SLC39A14: variants seen among roughly 807,000 people sequenced by gnomAD.
SLC39A14 encodes solute carrier family 39 member 14.
In SLC39A14, 19 loss-of-function variants were observed where a neutral mutation model predicts 45.5. The observed-to-expected ratio is 0.42, with a 90% CI of 0.29 to 0.61. The LOEUF is 0.61. Ranked by LOEUF, SLC39A14 falls within the 20% of genes least tolerant of loss-of-function variation. The probability of loss-of-function intolerance (pLI) is 0.22; values close to 1 mark genes in which losing one functional copy is unlikely to be tolerated. For synonymous variants in SLC39A14, 264 were observed against 251.3 expected (o/e 1.05, Z -0.48); for missense variants, 447 against 616.5 (o/e 0.73, Z 2.91).
chr8:22,376,960 T>C (rs1833252273), intron 1 of SLC39A14, among the ~76,000 whole-genome samples: 1 of 152,218 alleles, frequency 6.6e-6, no homozygotes, highest in Admixed American at 6.5e-5. Flanking sequence ...TTTGAGACTA[T>C]GCAAATCCTG....
intron 1 of SLC39A14, among the ~76,000 whole-genome samples, chr8:22,394,402 C>T (rs1834257253): frequency 6.6e-6 from 1 of 150,888 alleles, no homozygotes; most frequent in African/African-American, 2.4e-5. Flanking sequence ...TCACTACAAG[C>T]TCCACCTCCC....
chr8:22,404,927 G>T lies in SLC39A14; in HGVS notation c.217G>T (p.Val73Leu), dbSNP rs1332265493. ...CCTACTCAACCACCTGGATGTGGGAGTGGGCCGGGGTAATGTCACCCAGCA... is the reference window on the plus strand; with the variant it reads ...CCTACTCAACCACCTGGATGTGGGATTGGGCCGGGGTAATGTCACCCAGCA... ...KALLNHLDVG[V>L]GRGNVTQHVQ... is the part of the protein sequence containing the mutation. The change falls in exon 2 of 9, where the codon GTG (valine) becomes TTG (leucine). Residue 73 changes from valine (V) to leucine (L), a missense_variant. Physicochemically the swap from Val to Leu is conservative, Grantham distance 32 (BLOSUM62 1). This residue lies in a region of SLC39A14 where 342 missense variants were observed against 428.1 expected (regional missense o/e 0.80). Coordinates refer to ENST00000381237, the MANE Select transcript of SLC39A14 (RefSeq NM_001128431.4). The T allele has an allele frequency of 6.2e-7, 1 of 1,614,186 alleles. No individual in the cohort carries two copies. The highest frequency in any genetic ancestry group is 1.7e-5 in the Admixed American group (1 of 60,032).
At chr8:22,394,403 T>C (rs1834257414) in intron 1 of SLC39A14, among the ~76,000 whole-genome samples, 1 of 150,040 alleles carries the variant, frequency 6.7e-6, no homozygotes. Flanking sequence ...CACTACAAGC[T>C]CCACCTCCCG....
At chr8:22,406,640 G>A (rs995238290) in intron 2 of SLC39A14, among the ~76,000 whole-genome samples, 3 of 152,170 alleles carry the variant, frequency 2.0e-5, no homozygotes, top group African/African-American at 4.8e-5. Context: ...CGCAGTGAGC[G>A]GAGATTATGC....
downstream of SLC39A14, among the ~76,000 whole-genome samples, chr8:22,423,493 G>A (rs555038601): frequency 2.2e-3 from 335 of 152,096 alleles, no homozygotes; most frequent in Non-Finnish European, 3.0e-3. Context: ...CCGCCACCAC[G>A]CCCAGCTAAT....
intron 8 of SLC39A14, among the ~76,000 whole-genome samples, chr8:22,430,560 G>A (rs937535128): frequency 1.3e-5 from 2 of 152,156 alleles, no homozygotes; most frequent in African/African-American, 4.8e-5. Context: ...TATCTTACCT[G>A]TGGAACCACC....
At chr8:22,371,316 G>T (rs907561371) in intron 1 of SLC39A14, among the ~76,000 whole-genome samples, 4 of 150,250 alleles carry the variant, frequency 2.7e-5, no homozygotes, top group Non-Finnish European at 5.9e-5. Flanking sequence ...ATTTATTACC[G>T]CCGAGTTCCT....
At chr8:22,376,101 T>C (rs534310996) in intron 1 of SLC39A14, among the ~76,000 whole-genome samples, 7 of 152,316 alleles carry the variant, frequency 4.6e-5, no homozygotes, top group African/African-American at 1.7e-4. Context: ...CTCTCCCTCT[T>C]TTCTTGCTAG....
intron 4 of SLC39A14, among the ~76,000 whole-genome samples, chr8:22,414,318 G>A (rs975746521): frequency 5.3e-5 from 8 of 152,254 alleles, no homozygotes; most frequent in African/African-American, 1.9e-4. Context: ...TTACTTAACT[G>A]GGAAATGGGT....
At position 22,412,934 on chromosome 8, in the gene SLC39A14, G is replaced by A. The variant is rs116736274; in HGVS notation, c.627+728G>A. On this transcript the variant is annotated intron_variant, in intron 4 of 8. Coordinates refer to ENST00000381237, the MANE Select transcript of SLC39A14 (RefSeq NM_001128431.4). Reference sequence around the variant, plus strand: ...GCCTGGGTGACGGGAGTGAGACTCCGTCTCAAAACAAACAAACAAACTCCC... The same window carrying A: ...GCCTGGGTGACGGGAGTGAGACTCCATCTCAAAACAAACAAACAAACTCCC... 7.1e-3 allele frequency among the ~76,000 whole-genome samples: 1,084 copies of A among 152,252 alleles called. 12 individuals carry two copies. Among genetic ancestry groups the A allele is most frequent in the African/African-American group, 0.025 (1,035 of 41,554 alleles).
rs1451347203 is a variant in SLC39A14 at position 22,430,832 on chromosome 8, C to T, written c.1333-3059C>T. Among the ~76,000 whole-genome samples the T allele has an allele frequency of 2.0e-5, 3 of 151,836 alleles. No individual in the cohort carries two copies. In the East Asian group the frequency reaches 5.8e-4, roughly 29 times the overall value. The stretch of plus-strand genomic sequence containing the variant: ...GGATTACAAGCCTGTGCCATCATGC[C>T]CAGCTAATCGTTGTGTTTTTAGTAG... On this transcript the variant is annotated intron_variant, in intron 8 of 8. Coordinates refer to the SLC39A14 transcript ENST00000240095.
At chr8:22,382,151 A>C (rs1002445608) in intron 1 of SLC39A14, among the ~76,000 whole-genome samples, 23 of 152,140 alleles carry the variant, frequency 1.5e-4, no homozygotes, top group Admixed American at 5.9e-4. Flanking sequence ...CAAAAACAAC[A>C]ACCAAAAAAA....
intron 1 of SLC39A14, among the ~76,000 whole-genome samples, chr8:22,381,943 C>T (rs1486395131): frequency 6.6e-6 from 1 of 152,106 alleles, no homozygotes; most frequent in African/African-American, 2.4e-5. Flanking sequence ...GAGTCCGAGA[C>T]CAGCCTGGCC....
At chr8:22,428,919 G>A (rs767321910) in intron 8 of SLC39A14, among the ~76,000 whole-genome samples, 1 of 152,176 alleles carries the variant, frequency 6.6e-6, no homozygotes, top group Non-Finnish European at 1.5e-5. Flanking sequence ...AGCAAACGAA[G>A]GTAAGAACCA....
chr8:22,415,619 C>G (rs1835826587), intron 5 of SLC39A14, 150 bp from the exon 6 acceptor site: 2 of 675,038 alleles, frequency 3.0e-6, no homozygotes, highest in Non-Finnish European at 4.8e-6. Flanking sequence ...ATAGCTTTTG[C>G]TATGTTTCTG....
At chr8:22,373,905 C>T (rs888206781) in intron 1 of SLC39A14, among the ~76,000 whole-genome samples, 59 of 151,962 alleles carry the variant, frequency 3.9e-4, no homozygotes, top group African/African-American at 1.4e-3. Flanking sequence ...GATGCAGACA[C>T]GCGCCACCAC....
chr8:22,412,203 G>A lies in SLC39A14; in HGVS notation c.624G>A (p.Pro208=), dbSNP rs374062876. ...CCAACGCCCTCTTCCAGCTCATCCC[G>A]GAGGTATGGCAAGCCAGGGCCTTCA... ...LYSNALFQLI[P]EAFGFNPLED... is the part of the protein sequence containing the mutation. The change falls in exon 4 of 9, where the codon CCG becomes CCA. Residue 208 remains proline, a synonymous_variant. Coordinates refer to ENST00000381237, the MANE Select transcript of SLC39A14 (RefSeq NM_001128431.4). The A allele has an allele frequency of 4.6e-5, 72 of 1,551,460 alleles. No individual in the cohort carries two copies. Among genetic ancestry groups the A allele is most frequent in the African/African-American group, 4.4e-4 (32 of 73,060 alleles).
chr8:22,404,487 C>G (rs1467365960), intron 1 of SLC39A14: 2 of 239,388 alleles, frequency 8.4e-6, no homozygotes, highest in Non-Finnish European at 7.3e-6. Context: ...ATTTTTCAAT[C>G]TAGTCAAAAC....
intron 3 of SLC39A14, chr8:22,409,993 C>G: frequency 6.2e-7 from 1 of 1,614,170 alleles, no homozygotes; most frequent in Non-Finnish European, 8.5e-7. Context: ...CCTGGCCTCT[C>G]TCCTGGGAGT....
Sources: allele counts gnomAD v4.1 joint callset (sites outside exome capture counted in the v4.1 genomes callset), GRCh38; gene constraint gnomAD v4.1.1; regional missense constraint gnomAD v4.1.1; transcripts MANE v1.5; gene names NCBI Gene and HGNC (gene_info 2026-07-23, HGNC 2026-07-21).